The following SORT1 variants were observed in gnomAD, a reference collection of about 807,000 sequenced individuals.
SORT1 encodes the protein sortilin.
A neutral mutation model predicts 101.7 loss-of-function variants in SORT1; 39 were observed. That is an observed-to-expected ratio of 0.38 (90% CI 0.30 to 0.50). The LOEUF is 0.50. Ranked by LOEUF, SORT1 falls within the 20% of genes least tolerant of loss-of-function variation. SORT1 has a pLI of 0.90. For synonymous variants in SORT1, 396 were observed against 393.7 expected, an observed-to-expected ratio of 1.01 and a Z score of -0.07; for missense variants, 878 against 1,040.4, an observed-to-expected ratio of 0.84 and a Z score of 2.15.
chr1:109,364,601 A>C (rs1179522175), intron 3 of SORT1, among the ~76,000 whole-genome samples: 1 of 152,164 alleles, frequency 6.6e-6, no homozygotes, highest in Non-Finnish European at 1.5e-5. Context: ...ATGAGTACCG[A>C]CCCATCAGCA....
chr1:109,315,447 G>C (rs1190192682), intron 17 of SORT1, among the ~76,000 whole-genome samples: 1 of 151,896 alleles, frequency 6.6e-6, no homozygotes, highest in Non-Finnish European at 1.5e-5. Context: ...CAGGAGCCCA[G>C]GACAAGGGTG....
At chr1:109,339,573 T>C (rs1649071795) in intron 10 of SORT1, among the ~76,000 whole-genome samples, 1 of 152,200 alleles carries the variant, frequency 6.6e-6, no homozygotes, top group Non-Finnish European at 1.5e-5. Context: ...AGGAGTGCTG[T>C]TACAAAAATA....
At chr1:109,361,254 C>T (rs1315082792) in intron 3 of SORT1, among the ~76,000 whole-genome samples, 6 of 152,196 alleles carry the variant, frequency 3.9e-5, no homozygotes. Context: ...AATTTCATTG[C>T]TTGCAAGTTC....
At chr1:109,329,045 C>A (rs927868768) in intron 11 of SORT1, among the ~76,000 whole-genome samples, 2 of 152,122 alleles carry the variant, frequency 1.3e-5, no homozygotes, top group African/African-American at 2.4e-5. Flanking sequence ...TCCAAGCTAC[C>A]CCCAAAGACC....
chr1:109,352,706 A>G (rs559059421), intron 5 of SORT1, among the ~76,000 whole-genome samples: 2 of 152,302 alleles, frequency 1.3e-5, no homozygotes, highest in East Asian at 3.9e-4. Flanking sequence ...ATTTGATACC[A>G]CTGATTTGCA....
chr1:109,380,795 G>C (rs913308877), intron 1 of SORT1, among the ~76,000 whole-genome samples: 1 of 105,954 alleles, frequency 9.4e-6, no homozygotes, highest in African/African-American at 3.6e-5. Flanking sequence ...TGGGCAACAT[G>C]GCAAAACCCT....
intron 13 of SORT1, 73 bp downstream of exon 13, chr1:109,326,919 C>A: frequency 3.5e-6 from 4 of 1,155,838 alleles, no homozygotes; most frequent in East Asian, 2.6e-5. Context: ...GTAACATCCC[C>A]CCAATAAACT....
intron 11 of SORT1, among the ~76,000 whole-genome samples, chr1:109,331,649 G>C (rs1342028417): frequency 6.6e-6 from 1 of 152,024 alleles, no homozygotes; most frequent in Non-Finnish European, 1.5e-5. Context: ...CACCACTTCT[G>C]TTCATTATAG....
At chr1:109,317,017 T>C in intron 16 of SORT1, 59 bp from the exon 17 acceptor site, 1 of 1,086,666 alleles carries the variant, frequency 9.2e-7, no homozygotes, top group East Asian at 2.5e-5. Flanking sequence ...GGTACCTGCC[T>C]ATTTCTTGGA....
At chr1:109,339,238 C>A (rs1319755388) in intron 10 of SORT1, among the ~76,000 whole-genome samples, 2 of 152,168 alleles carry the variant, frequency 1.3e-5, no homozygotes, top group Admixed American at 6.5e-5. Context: ...CCCATTCCTG[C>A]CTATCATACT....
In SORT1 at chr1:109,314,286, C is replaced by T; in HGVS notation, c.2456G>A (p.Ser819Asn). ...CTCATCTGAGTCATCATGATAACCA[C>T]TTTTATTAGTGTGGGAGGCTGTGTC... is the stretch of plus-strand genomic sequence containing the variant. The part of the protein sequence containing the change: ...ALDTASHTNK[S>N]GYHDDSDEDL... The change falls in exon 19 of 20, where the codon AGT becomes AAT. Residue 819 changes from serine (S) to asparagine (N), a missense_variant. Around this residue, in one of 2 missense-constraint regions of SORT1, gnomAD observed 684 missense variants for 894.5 expected, o/e 0.76. Transcript: ENST00000256637. The T allele has an allele frequency of 6.2e-7, 1 of 1,613,490 alleles. No homozygotes were observed. Among genetic ancestry groups the T allele is most frequent in the Non-Finnish European group, 8.5e-7 (1 of 1,179,776 alleles).
chr1:109,374,701 G>A (rs887207065), intron 1 of SORT1, among the ~76,000 whole-genome samples: 4 of 152,014 alleles, frequency 2.6e-5, no homozygotes, highest in Non-Finnish European at 4.4e-5. Context: ...GCTCATGCCT[G>A]TAATCCCAGC....
chr1:109,319,710 A>G (rs1251716298), intron 15 of SORT1, among the ~76,000 whole-genome samples: 2 of 152,072 alleles, frequency 1.3e-5, no homozygotes, highest in Non-Finnish European at 2.9e-5. Context: ...TACTAGAAAT[A>G]CAAAAAATTA....
chr1:109,342,575 T>C (rs924974645), intron 8 of SORT1, among the ~76,000 whole-genome samples: 1 of 152,216 alleles, frequency 6.6e-6, no homozygotes, highest in Non-Finnish European at 1.5e-5. Flanking sequence ...CATACAGTGC[T>C]TGCATAATTT....
intron 3 of SORT1, among the ~76,000 whole-genome samples, chr1:109,362,888 A>G (rs886449333): frequency 6.6e-6 from 1 of 152,148 alleles, no homozygotes; most frequent in African/African-American, 2.4e-5. Context: ...TTAACAATCT[A>G]CTGCAGTGAA....
At position 109,372,687 on chromosome 1, in the gene SORT1, G is replaced by C. The variant is rs112030564; in HGVS notation, c.307-3098C>G. ...TAACCCCAGTACTTTGGGAGGCCGAGACAGGCGGATCACGAGGTCAGGAGT... is the reference window on the plus strand; with the variant it reads ...TAACCCCAGTACTTTGGGAGGCCGACACAGGCGGATCACGAGGTCAGGAGT... On this transcript the variant is annotated intron_variant, in intron 1 of 19. Coordinates refer to ENST00000256637, the MANE Select transcript of SORT1 (RefSeq NM_002959.7). Among the ~76,000 whole-genome samples, 763 of 152,132 alleles carry C rather than the reference G, an allele frequency of 5.0e-3. 10 individuals are homozygous for C. The highest frequency in any genetic ancestry group is 0.018 in the African/African-American group (732 of 41,508).
chr1:109,336,185 G>C, intron 11 of SORT1, 55 bp downstream of exon 11: 2 of 1,097,986 alleles, frequency 1.8e-6, no homozygotes, highest in Non-Finnish European at 2.8e-6. Flanking sequence ...GGCTGGCACT[G>C]ATCAGAGCAC....
intron 3 of SORT1, chr1:109,367,152 GGGAGGT>G: frequency 3.3e-6 from 1 of 303,730 alleles, no homozygotes; most frequent in Non-Finnish European, 6.1e-6. Flanking sequence ...GCTTGAGCCT[GGGAGGT>G]GGAGGCTGCA....
chr1:109,376,191 G>A (rs1651831402), intron 1 of SORT1, among the ~76,000 whole-genome samples: 1 of 151,830 alleles, frequency 6.6e-6, no homozygotes, highest in East Asian at 1.9e-4. Context: ...TTAGCCGGGC[G>A]TGGCGGCGGG....
Sources: allele counts gnomAD v4.1 joint callset (sites outside exome capture counted in the v4.1 genomes callset), GRCh38; gene constraint gnomAD v4.1.1; regional missense constraint gnomAD v4.1.1; transcripts MANE v1.5; gene names NCBI Gene and HGNC (gene_info 2026-07-23, HGNC 2026-07-21).